Variants in LRRTM4 observed in about 807,000 individuals in gnomAD.
LRRTM4 encodes leucine-rich repeat transmembrane neuronal protein 4.
Under a neutral mutation model 47.6 loss-of-function variants are expected in LRRTM4, and 25 were observed. That is an observed-to-expected ratio of 0.53 (90% CI 0.38 to 0.73). LRRTM4 has a LOEUF of 0.73. LRRTM4 is among the 30% of genes least tolerant of loss of function. The pLI is 0.00. For synonymous variants in LRRTM4, 311 were observed against 269.5 expected (o/e 1.15, Z -1.51); for missense variants, 638 against 713.4 (o/e 0.89, Z 1.20).
At chr2:77,047,251 G>A (rs1458544407) in intron 3 of LRRTM4, among the ~76,000 whole-genome samples, 2 of 151,754 alleles carry the variant, frequency 1.3e-5, no homozygotes, top group East Asian at 3.9e-4. Flanking sequence ...GCTTATTGTT[G>A]TGGATATTAT....
intron 3 of LRRTM4, among the ~76,000 whole-genome samples, chr2:77,164,250 A>G (rs1239515214): frequency 6.6e-6 from 1 of 152,246 alleles, no homozygotes; most frequent in East Asian, 1.9e-4. Context: ...CAATTCAACA[A>G]GAAGAGCTAA....
intron 3 of LRRTM4, among the ~76,000 whole-genome samples, chr2:77,357,198 T>A (rs1039757224): frequency 1.3e-5 from 2 of 152,090 alleles, no homozygotes; most frequent in African/African-American, 2.4e-5. Context: ...TTTGTTTAGA[T>A]AATGGAAGTG....
At chr2:77,063,200 C>G (rs1033764550) in intron 3 of LRRTM4, among the ~76,000 whole-genome samples, 1 of 151,998 alleles carries the variant, frequency 6.6e-6, no homozygotes, top group Non-Finnish European at 1.5e-5. Flanking sequence ...CCTCGTGATC[C>G]GCCCACCTCG....
At chr2:77,045,823 C>T (rs1244167799) in intron 3 of LRRTM4, among the ~76,000 whole-genome samples, 1 of 151,870 alleles carries the variant, frequency 6.6e-6, no homozygotes, top group Non-Finnish European at 1.5e-5. Flanking sequence ...TGGACAAGCA[C>T]AGCATTTTTT....
At chr2:77,080,417 C>T (rs78334014) in intron 3 of LRRTM4, among the ~76,000 whole-genome samples, 6,491 of 152,252 alleles carry the variant, frequency 0.043, 153 homozygotes, top group South Asian at 0.082. Flanking sequence ...AAGTTAACAA[C>T]TCTGAAATGC....
chr2:77,188,352 T>C (rs545164528), intron 3 of LRRTM4, among the ~76,000 whole-genome samples: 1 of 152,316 alleles, frequency 6.6e-6, no homozygotes, highest in Non-Finnish European at 1.5e-5. Context: ...CTGGCTACTT[T>C]CCTTTTTCTC....
At chr2:77,010,053 T>C (rs1264214266) in intron 3 of LRRTM4, among the ~76,000 whole-genome samples, 2 of 152,130 alleles carry the variant, frequency 1.3e-5, no homozygotes, top group African/African-American at 4.8e-5. Flanking sequence ...TACAGCATGA[T>C]ATTTTGATAT....
At chr2:76,806,517 G>T (rs562012974) in intron 3 of LRRTM4, among the ~76,000 whole-genome samples, 1 of 152,208 alleles carries the variant, frequency 6.6e-6, no homozygotes, top group African/African-American at 2.4e-5. Context: ...GCTGGCGGAG[G>T]TTGCAATGAG....
intron 3 of LRRTM4, among the ~76,000 whole-genome samples, chr2:77,486,209 T>C (rs963505520): frequency 2.0e-5 from 3 of 152,212 alleles, no homozygotes; most frequent in Non-Finnish European, 4.4e-5. Flanking sequence ...TAAAGCATTG[T>C]CATCAGAAGT....
chr2:76,821,623 C>T (rs943966558), intron 3 of LRRTM4, among the ~76,000 whole-genome samples: 24 of 151,700 alleles, frequency 1.6e-4, no homozygotes, highest in African/African-American at 5.6e-4. Flanking sequence ...ATCAACACTG[C>T]TGGCAATGCC....
chr2:77,434,352 C>A (rs529165938), intron 3 of LRRTM4, among the ~76,000 whole-genome samples: 3 of 151,628 alleles, frequency 2.0e-5, no homozygotes, highest in East Asian at 3.9e-4. Context: ...CAATAGTGAC[C>A]AAGAACCCAG....
In LRRTM4 at chr2:77,461,138, TGAGA is replaced by T. The variant is rs72075725; in HGVS notation, c.1551+57176_1551+57179del. ...TATATACGTACATTTACATACACAGTGAGAGAGAGAGAGAGAGAGAGAGAGAGAG... is the reference window on the plus strand; with the variant it reads ...TATATACGTACATTTACATACACAGTGAGAGAGAGAGAGAGAGAGAGAGAG... On this transcript the variant is annotated intron_variant, in intron 3 of 3. Transcript: ENST00000409884. Among the ~76,000 whole-genome samples the T allele has an allele frequency of 2.9e-3, 419 of 145,344 alleles. 2 individuals carry two copies. The highest frequency in any genetic ancestry group is 7.1e-3 in the African/African-American group (278 of 39,416).
intron 3 of LRRTM4, among the ~76,000 whole-genome samples, chr2:76,818,153 T>C (rs1434282224): frequency 1.3e-5 from 2 of 151,918 alleles, no homozygotes; most frequent in African/African-American, 4.8e-5. Context: ...TGGTGACATA[T>C]TTGTTTTCCC....
intron 3 of LRRTM4, among the ~76,000 whole-genome samples, chr2:77,208,652 G>T (rs554231415): frequency 6.6e-6 from 1 of 152,188 alleles, no homozygotes; most frequent in Non-Finnish European, 1.5e-5. Flanking sequence ...TGAGGATGGA[G>T]AGAGAGTTGA....
At chr2:77,228,809 T>C (rs1344675783) in intron 3 of LRRTM4, among the ~76,000 whole-genome samples, 1 of 152,190 alleles carries the variant, frequency 6.6e-6, no homozygotes, top group Non-Finnish European at 1.5e-5. Flanking sequence ...CCGCTTCACA[T>C]GGTATATAAT....
intron 3 of LRRTM4, among the ~76,000 whole-genome samples, chr2:76,930,502 C>T (rs1674736150): frequency 6.6e-6 from 1 of 152,200 alleles, no homozygotes; most frequent in Admixed American, 6.5e-5. Context: ...GAAGTAACCG[C>T]AGATGCCACA....
At chr2:77,398,052 C>T (rs116652128) in intron 3 of LRRTM4, among the ~76,000 whole-genome samples, 1 of 151,852 alleles carries the variant, frequency 6.6e-6, no homozygotes, top group Non-Finnish European at 1.5e-5. Flanking sequence ...AGCCAGCTGA[C>T]TAGCCTGACC....
intron 3 of LRRTM4, among the ~76,000 whole-genome samples, chr2:77,064,726 G>T (rs1300906872): frequency 5.9e-5 from 9 of 152,118 alleles, no homozygotes; most frequent in African/African-American, 2.2e-4. Context: ...TTCATATAAT[G>T]TAAGAAATTT....
chr2:77,054,856 A>G (rs1028089316), intron 3 of LRRTM4, among the ~76,000 whole-genome samples: 54 of 152,336 alleles, frequency 3.5e-4, no homozygotes, highest in African/African-American at 1.3e-3. Flanking sequence ...TTGCAAAATC[A>G]GTGGCTGGAA....
Sources: allele counts gnomAD v4.1 joint callset (sites outside exome capture counted in the v4.1 genomes callset), GRCh38; gene constraint gnomAD v4.1.1; transcripts MANE v1.5; gene names NCBI Gene and HGNC (gene_info 2026-07-23, HGNC 2026-07-21).